The following ABCA13 variants were observed in gnomAD, a reference collection of about 807,000 sequenced individuals.
ABCA13 encodes the protein ATP binding cassette subfamily A member 13, also known as ATP-binding cassette sub-family A member 13.
In ABCA13, 476 loss-of-function variants were observed where a neutral mutation model predicts 478.7. The observed-to-expected ratio is 0.99, with a 90% confidence interval of 0.92 to 1.07. The LOEUF is 1.07. ABCA13 is among the 50% of genes least tolerant of loss of function. The pLI, the probability that ABCA13 is intolerant of heterozygous loss-of-function variation, is 0.00. For synonymous variants in ABCA13, 2,252 were observed against 2,158.9 expected (o/e 1.04, Z -1.20); for missense variants, 6,060 against 5,910.6 (o/e 1.03, Z -0.83).
At chr7:48,391,665 G>A (rs950133500) in intron 37 of ABCA13, among the ~76,000 whole-genome samples, 3 of 152,114 alleles carry the variant, frequency 2.0e-5, no homozygotes, top group Non-Finnish European at 2.9e-5. Flanking sequence ...GGTTTATTGG[G>A]ACATAACCCA....
In ABCA13 at chr7:48,272,724, G is replaced by T. The variant is rs1250423628; in HGVS notation, c.3058G>T (p.Val1020Phe). Residue 1020 changes from valine to phenylalanine, a missense_variant, in exon 17 of 62, where the codon GTT (valine) becomes TTT (phenylalanine). Physicochemically the swap from Val to Phe is conservative, Grantham distance 50. This residue lies in a region of ABCA13 where 4,423 missense variants were observed against 4,309.1 expected (regional missense o/e 1.03). Coordinates refer to ENST00000435803, the MANE Select transcript of ABCA13 (RefSeq NM_152701.5). ...AFAFLFKTAE[V>F]LGGISNVSYC... ...TGCATTTTTATTTAAGACAGCAGAG[G>T]TTCTTGGGGGAATTTCTAATGTATC... is the stretch of plus-strand genomic sequence containing the variant. 1 of 1,610,654 alleles carries T rather than the reference G, an allele frequency of 6.2e-7. No homozygotes were observed. Among genetic ancestry groups the T allele is most frequent in the African/African-American group, 1.3e-5 (1 of 74,848 alleles).
chr7:48,340,948 C>T (rs950387658), intron 29 of ABCA13, among the ~76,000 whole-genome samples: 10 of 152,150 alleles, frequency 6.6e-5, no homozygotes, highest in South Asian at 2.1e-4. Context: ...GATACACCTA[C>T]GGCAGTATTT....
chr7:48,241,197 G>C, intron 10 of ABCA13, 131 bp downstream of exon 10: 2 of 1,126,684 alleles, frequency 1.8e-6, no homozygotes, highest in Non-Finnish European at 1.3e-6. Flanking sequence ...TTAGCAAATG[G>C]GAAATCAGAG....
chr7:48,398,758 G>C (rs1282524077), intron 38 of ABCA13, among the ~76,000 whole-genome samples: 1 of 152,192 alleles, frequency 6.6e-6, no homozygotes, highest in Non-Finnish European at 1.5e-5. Context: ...ACATTTGTTT[G>C]ATAGTAATGA....
chr7:48,594,592 T>A, intron 57 of ABCA13, 118 bp from the exon 58 acceptor site: 1 of 850,760 alleles, frequency 1.2e-6, no homozygotes, highest in Non-Finnish European at 2.0e-6. Flanking sequence ...TGGAGAGGTG[T>A]CTTTTAGAGC....
intron 31 of ABCA13, among the ~76,000 whole-genome samples, chr7:48,367,147 A>G (rs1341532184): frequency 1.3e-5 from 2 of 152,166 alleles, no homozygotes; most frequent in Non-Finnish European, 2.9e-5. Flanking sequence ...ATGTGGGTGC[A>G]AAGCTGGGAG....
rs577225846 is a variant in ABCA13 at position 48,515,004 on chromosome 7, T to C, written c.13641-1721T>C. On this transcript the variant is annotated intron_variant, in intron 51 of 61. Transcript: ENST00000435803. ...TTATGAACTATGAGAATGTATCTTT[T>C]AACCCAGGAAAGCATTCCAACATCA... Among the ~76,000 whole-genome samples, 3 of 152,270 alleles carry C rather than the reference T, an allele frequency of 2.0e-5. No individual in the cohort carries two copies. The East Asian group carries it at 5.8e-4, about 29-fold the overall frequency.
At chr7:48,411,181 TTC>T (rs1475455127) in intron 40 of ABCA13, among the ~76,000 whole-genome samples, 1 of 122,130 alleles carries the variant, frequency 8.2e-6, no homozygotes, top group Non-Finnish European at 1.8e-5. Context: ...CTTTCTTTCT[TTC>T]TCTTTCTTTC....
intron 3 of ABCA13, among the ~76,000 whole-genome samples, chr7:48,213,531 A>T (rs1403943940): frequency 6.6e-6 from 1 of 152,124 alleles, no homozygotes. Context: ...CTGCTGACTG[A>T]TCAGGGTGGT....
At chr7:48,213,543 G>T (rs1053670693) in intron 3 of ABCA13, among the ~76,000 whole-genome samples, 1 of 152,172 alleles carries the variant, frequency 6.6e-6, no homozygotes, top group East Asian at 1.9e-4. Flanking sequence ...CAGGGTGGTG[G>T]TTGCTGGAGG....
intron 46 of ABCA13, among the ~76,000 whole-genome samples, chr7:48,482,799 A>C (rs1828906506): frequency 6.6e-6 from 1 of 152,194 alleles, no homozygotes; most frequent in African/African-American, 2.4e-5. Flanking sequence ...ATTTCCTAAC[A>C]AGACAGTAAG....
chr7:48,472,308 C>T (rs1463828121), intron 45 of ABCA13, among the ~76,000 whole-genome samples: 3 of 152,094 alleles, frequency 2.0e-5, no homozygotes, highest in East Asian at 1.9e-4. Flanking sequence ...TTTACAGGGC[C>T]TTCCTAGTTA....
chr7:48,459,775 A>C (rs1281175189), intron 43 of ABCA13, among the ~76,000 whole-genome samples: 2 of 152,224 alleles, frequency 1.3e-5, no homozygotes, highest in East Asian at 3.8e-4. Context: ...TGTATCAAAA[A>C]TGTCTTCCAG....
At chr7:48,569,251 C>T (rs1317832113) in intron 55 of ABCA13, among the ~76,000 whole-genome samples, 2 of 152,012 alleles carry the variant, frequency 1.3e-5, no homozygotes, top group Non-Finnish European at 2.9e-5. Flanking sequence ...ACAGATATTA[C>T]AGCTGTATCT....
intron 43 of ABCA13, among the ~76,000 whole-genome samples, chr7:48,457,323 C>T (rs1825786933): frequency 6.9e-6 from 1 of 145,310 alleles, no homozygotes. Flanking sequence ...TTCTAACTGA[C>T]TTCTTCACCC....
At chr7:48,531,535 G>A (rs945666040) in intron 55 of ABCA13, among the ~76,000 whole-genome samples, 18 of 151,676 alleles carry the variant, frequency 1.2e-4, no homozygotes, top group Admixed American at 1.2e-3. Flanking sequence ...GAAGAATGAT[G>A]GTGGTATTTT....
intron 58 of ABCA13, among the ~76,000 whole-genome samples, chr7:48,612,679 C>G (rs1352756216): frequency 6.6e-6 from 1 of 152,112 alleles, no homozygotes; most frequent in African/African-American, 2.4e-5. Flanking sequence ...AACCTGTTTC[C>G]AGATGCTTAC....
At chr7:48,489,163 A>G (rs1829616457) in intron 47 of ABCA13, 73 bp from the exon 48 acceptor site, 2 of 1,274,196 alleles carry the variant, frequency 1.6e-6, no homozygotes, top group East Asian at 5.1e-5. Flanking sequence ...CGTTCCTTAA[A>G]TCCCAGAATA....
chr7:48,336,579 T>G (rs1306246940), intron 28 of ABCA13, among the ~76,000 whole-genome samples: 1 of 152,070 alleles, frequency 6.6e-6, no homozygotes. Context: ...AGGGGTCCCA[T>G]GTCAGTGGAG....
Sources: allele counts gnomAD v4.1 joint callset (sites outside exome capture counted in the v4.1 genomes callset), GRCh38; gene constraint gnomAD v4.1.1; regional missense constraint gnomAD v4.1.1; transcripts MANE v1.5; gene names NCBI Gene and HGNC (gene_info 2026-07-23, HGNC 2026-07-21).